DYNLRB1: variants seen among roughly 807,000 people sequenced by gnomAD.
DYNLRB1 encodes the protein ROBL/LC7-like 1.
A neutral mutation model predicts 13.5 loss-of-function variants in DYNLRB1; 6 were observed. The ratio of observed to expected loss-of-function variants is 0.44; its 90% CI spans 0.24 to 0.88. DYNLRB1 has a LOEUF of 0.88. DYNLRB1 is among the 40% of genes least tolerant of loss of function. The pLI, the probability that DYNLRB1 is intolerant of heterozygous loss-of-function variation, is 0.21. For synonymous variants in DYNLRB1, 43 were observed against 45.0 expected (o/e 0.96, Z 0.18); for missense variants, 93 against 127.2 (o/e 0.73, Z 1.29).
upstream of DYNLRB1, among the ~76,000 whole-genome samples, chr20:34,515,840 G>A (rs1308029970): frequency 6.6e-6 from 1 of 152,024 alleles, no homozygotes; most frequent in Non-Finnish European, 1.5e-5. Flanking sequence ...AGCCTCTTCC[G>A]ATACCGAGAA....
chr20:34,540,519 T>C, intron 3 of DYNLRB1, 62 bp from the exon 4 acceptor site: 1 of 1,501,604 alleles, frequency 6.7e-7, no homozygotes, highest in Non-Finnish European at 9.2e-7. Context: ...TTTATTTGCT[T>C]TCTTGTGTGT....
chr20:34,538,304 G>T (rs1292075915), intron 3 of DYNLRB1, among the ~76,000 whole-genome samples: 1 of 151,782 alleles, frequency 6.6e-6, no homozygotes, highest in Non-Finnish European at 1.5e-5. Context: ...AGCTGGACAT[G>T]GTGGCACCAG....
chr20:34,516,313 C>T (rs1207976526), upstream of DYNLRB1: 1 of 1,320,400 alleles, frequency 7.6e-7, no homozygotes, highest in Non-Finnish European at 1.0e-6. Context: ...CCTGGCGGAG[C>T]CAAGATCGGC....
intron 3 of DYNLRB1, among the ~76,000 whole-genome samples, chr20:34,538,484 A>G (rs1353355281): frequency 6.6e-6 from 1 of 152,062 alleles, no homozygotes; most frequent in Non-Finnish European, 1.5e-5. Flanking sequence ...TATTAACTTC[A>G]CTAGTATTAA....
At chr20:34,524,468 T>C (rs985533372) in intron 1 of DYNLRB1, among the ~76,000 whole-genome samples, 20 of 152,180 alleles carry the variant, frequency 1.3e-4, no homozygotes, top group Non-Finnish European at 2.5e-4. Flanking sequence ...TGTACTTTGG[T>C]CCATGATGAA....
intron 3 of DYNLRB1, among the ~76,000 whole-genome samples, chr20:34,538,492 T>C (rs549312352): frequency 1.8e-4 from 28 of 152,196 alleles, no homozygotes; most frequent in African/African-American, 6.5e-4. Context: ...TCACTAGTAT[T>C]AAAGCTGAGG....
At chr20:34,535,209 AG>A in intron 3 of DYNLRB1, 2 of 985,444 alleles carry the variant, frequency 2.0e-6, no homozygotes, top group African/African-American at 1.7e-5. Flanking sequence ...AGGGGCGGAA[AG>A]CCACGTTTGG....
chr20:34,521,757 A>C (rs546536211), intron 1 of DYNLRB1, among the ~76,000 whole-genome samples: 1 of 152,312 alleles, frequency 6.6e-6, no homozygotes, highest in South Asian at 2.1e-4. Flanking sequence ...TAAAGATGAC[A>C]TACTTATGGC....
intron 2 of DYNLRB1, among the ~76,000 whole-genome samples, chr20:34,531,698 C>G (rs1043911582): frequency 2.7e-4 from 41 of 152,182 alleles, no homozygotes; most frequent in Non-Finnish European, 5.6e-4. Context: ...GTGAGCAAAT[C>G]AGACTTGGTC....
chr20:34,531,255 G>A (rs1444158191), intron 2 of DYNLRB1: 1 of 152,244 alleles, frequency 6.6e-6, no homozygotes, highest in Non-Finnish European at 1.5e-5. Context: ...ACTGGGTGTG[G>A]TGGAAGGGCC....
chr20:34,533,065 C>G (rs1368022528), intron 2 of DYNLRB1, among the ~76,000 whole-genome samples: 1 of 152,198 alleles, frequency 6.6e-6, no homozygotes, highest in East Asian at 1.9e-4. Context: ...ATGTCACAGG[C>G]AATTCACAGG....
intron 3 of DYNLRB1, chr20:34,536,456 T>G: frequency 1.0e-6 from 1 of 985,294 alleles, no homozygotes; most frequent in Non-Finnish European, 1.2e-6. Context: ...TCCCCAAAAG[T>G]CGGGCCGGGA....
chr20:34,521,551 C>A (rs756931192), intron 1 of DYNLRB1, among the ~76,000 whole-genome samples: 26 of 151,940 alleles, frequency 1.7e-4, no homozygotes, highest in Non-Finnish European at 2.2e-4. Flanking sequence ...TCAAATTGGT[C>A]ATAGTTCTTT....
intron 3 of DYNLRB1, among the ~76,000 whole-genome samples, chr20:34,538,442 A>C (rs1981339624): frequency 6.6e-6 from 1 of 152,056 alleles, no homozygotes; most frequent in East Asian, 1.9e-4. Flanking sequence ...CTCAAAAAAC[A>C]AAACAAAAAA....
chr20:34,534,678 A>G lies in DYNLRB1; in HGVS notation c.130A>G (p.Ser44Gly), dbSNP rs374598542. 6.3e-7 allele frequency: 1 copy of G among 1,599,256 alleles called. No homozygotes were observed. The highest frequency in any genetic ancestry group is 8.5e-7 in the Non-Finnish European group (1 of 1,172,064). ...MDNPTTTQYA[S>G]LMHSFILKAR... ...CAACCCCACCACCACCCAGTATGCC[A>G]GCCTCATGCACAGCTTCATCCTGAA... Residue 44 changes from serine to glycine, a missense_variant, in exon 3 of 4, where the codon AGC becomes GGC. Physicochemically the swap from Ser to Gly is moderately conservative, Grantham distance 56 (BLOSUM62 0). Coordinates refer to ENST00000357156, the MANE Select transcript of DYNLRB1 (RefSeq NM_014183.4).
chr20:34,535,524 GC>G, intron 3 of DYNLRB1: 2 of 743,354 alleles, frequency 2.7e-6, no homozygotes, highest in Non-Finnish European at 3.3e-6. Flanking sequence ...GAGCAACAGA[GC>G]CACATCTCCT....
chr20:34,516,302 T>C (rs1405521272), upstream of DYNLRB1: 4 of 1,238,910 alleles, frequency 3.2e-6, no homozygotes, highest in African/African-American at 4.6e-5. Flanking sequence ...TTTCCAAGAA[T>C]CCTGGCGGAG....
At position 34,521,818 on chromosome 20, in the gene DYNLRB1, A is replaced by C. The variant is rs146138130; in HGVS notation, c.4-4450A>C. On this transcript the variant is annotated intron_variant, in intron 1 of 3. Coordinates refer to ENST00000357156, the MANE Select transcript of DYNLRB1 (RefSeq NM_014183.4). ...TCCCAACAGTTTGGGAGGCCAAGGC[A>C]GTAGATCACTTGAGCCCAGGAGTTC... Among the ~76,000 whole-genome samples the C allele has an allele frequency of 6.1e-3, 922 of 152,292 alleles. 7 individuals carry two copies. Among genetic ancestry groups the C allele is most frequent in the African/African-American group, 0.021 (876 of 41,550 alleles).
rs1980391044 is a variant in DYNLRB1 at position 34,528,204 on chromosome 20, T to C, written c.79+1861T>C. On this transcript the variant is annotated intron_variant, in intron 2 of 3. Transcript: ENST00000357156. ...GCGGGCGCCTGTAGTCCCAGCTACT[T>C]GGGAGGCTGAGGCGGGAGAATGGCG... 2.4e-5 allele frequency among the ~76,000 whole-genome samples: 2 copies of C among 84,364 alleles called. 1 individual carries two copies. The highest frequency in any genetic ancestry group is 7.9e-4 in the South Asian group (2 of 2,536). 55.3% of individuals were successfully genotyped at this position (84,364 alleles called of 152,430 possible). A position where few individuals can be genotyped will look rare whatever the true frequency, so the allele number is the denominator to read the frequency against.
Sources: allele counts gnomAD v4.1 joint callset (sites outside exome capture counted in the v4.1 genomes callset), GRCh38; gene constraint gnomAD v4.1.1; transcripts MANE v1.5; gene names NCBI Gene and HGNC (gene_info 2026-07-23, HGNC 2026-07-21).